The following ZCCHC12 variants were observed in gnomAD, a reference collection of about 807,000 sequenced individuals.
ZCCHC12 encodes zinc finger CCHC-type containing 12.
For missense variants in ZCCHC12, 317 were observed against 323.4 expected, an observed-to-expected ratio of 0.98 and a Z score of 0.15; for synonymous variants, 128 against 123.2, an observed-to-expected ratio of 1.04 and a Z score of -0.26.
Position 118,825,656 on chromosome X carries a change from C to A in ZCCHC12, c.412C>A (p.Leu138Ile). 1 of 1,211,540 alleles carries A rather than the reference C, an allele frequency of 8.3e-7. No individual in the cohort carries two copies. Among genetic ancestry groups the A allele is most frequent in the Non-Finnish European group, 1.1e-6 (1 of 895,514 alleles). Reference sequence around the variant, plus strand: ...TGCCCATGGTAAATTTTTTAACACCCTACAAGCTCAAGGGGAGAAAGCCTC... The same window carrying A: ...TGCCCATGGTAAATTTTTTAACACCATACAAGCTCAAGGGGAGAAAGCCTC... Reference protein sequence around the residue: ...VTAHGKFFNTLQAQGEKASLY... With the variant: ...VTAHGKFFNTIQAQGEKASLY... Residue 138 changes from leucine (L) to isoleucine (I), a missense_variant, in exon 4 of 4, where the codon CTA becomes ATA. By Grantham distance (5) the Leu-to-Ile change is conservative (BLOSUM62 2). Coordinates refer to ENST00000310164, the MANE Select transcript of ZCCHC12 (RefSeq NM_173798.4).
At position 118,825,234 on chromosome X, in the gene ZCCHC12, C is replaced by T. The variant is rs766371263; in HGVS notation, c.-11C>T. The T allele has an allele frequency of 1.7e-6, 2 of 1,210,286 alleles. No homozygotes were observed. Among genetic ancestry groups the T allele is most frequent in the East Asian group, 5.9e-5 (2 of 33,782 alleles). On this transcript the variant is annotated 5_prime_UTR_variant, in exon 4 of 4. Coordinates refer to ENST00000310164, the MANE Select transcript of ZCCHC12 (RefSeq NM_173798.4). Reference sequence around the variant, plus strand: ...ATCTTCTTATATTCAGATACCCTATCGTCGTCAGTCATGGCTAGCATCATT... The same window carrying T: ...ATCTTCTTATATTCAGATACCCTATTGTCGTCAGTCATGGCTAGCATCATT...
Position 118,826,663 on chromosome X carries a change from A to G in ZCCHC12, c.*210A>G, listed in dbSNP as rs755898594. 4.2e-6 allele frequency: 2 copies of G among 475,920 alleles called. No individual in the cohort carries two copies. Among genetic ancestry groups the G allele is most frequent in the Non-Finnish European group, 7.3e-6 (2 of 275,743 alleles). 39.2% of individuals were successfully genotyped at this position (475,920 alleles called of 1,213,427 possible). ...TCCTTGCTCCTTCTCCCTGCAGCCT[A>G]CGGGTCTGTTTTCTGTGTGTGCCCA... On this transcript the variant is annotated 3_prime_UTR_variant, in exon 4 of 4. Transcript: ENST00000310164.
In ZCCHC12 at chrX:118,826,012, C is replaced by G. The variant is rs1288518399; in HGVS notation, c.768C>G (p.Ile256Met). 4 of 1,211,515 alleles carry G rather than the reference C, an allele frequency of 3.3e-6. No individual in the cohort carries two copies. Among genetic ancestry groups the G allele is most frequent in the Admixed American group, 4.3e-5 (2 of 46,041 alleles). The change falls in exon 4 of 4, where the codon ATC becomes ATG. Residue 256 changes from isoleucine (I) to methionine (M), a missense_variant. By Grantham distance (10) the Ile-to-Met change is conservative. Transcript: ENST00000310164. Reference protein sequence around the residue: ...VAFQGSPPIVIGSADCNVIEI... With the variant: ...VAFQGSPPIVMGSADCNVIEI... ...TTCAGGGCTCCCCACCGATAGTGAT[C>G]GGCAGTGCTGACTGCAATGTGATAG... is the stretch of plus-strand genomic sequence containing the variant.
chrX:118,824,866 C>T (rs2018231774), intron 3 of ZCCHC12, among the ~76,000 whole-genome samples, 153 bp downstream of exon 3: 1 of 111,527 alleles, frequency 9.0e-6, no homozygotes, highest in South Asian at 3.8e-4. Flanking sequence ...CCAATATCAG[C>T]TCCAGACACT....
Position 118,825,168 on chromosome X carries a change from C to T in ZCCHC12, c.-77C>T. ...TAGGAAGGCAGAGCCACCTCCTCTC[C>T]TCTCCCACCTGCAGATTAAGCTTTT... On this transcript the variant is annotated 5_prime_UTR_variant, in exon 4 of 4. Coordinates refer to ENST00000310164, the MANE Select transcript of ZCCHC12 (RefSeq NM_173798.4). The T allele has an allele frequency of 8.4e-7, 1 of 1,190,712 alleles. No homozygotes were observed. The highest frequency in any genetic ancestry group is 1.1e-6 in the Non-Finnish European group (1 of 877,604).
chrX:118,825,319 G>A lies in ZCCHC12; in HGVS notation c.75G>A (p.Met25Ile). The A allele has an allele frequency of 8.3e-7, 1 of 1,211,793 alleles. No individual in the cohort carries two copies. The highest frequency in any genetic ancestry group is 1.1e-6 in the Non-Finnish European group (1 of 895,517). ...NAPLPPWAHS[M>I]LRSLGRSLGP... Reference sequence around the variant, plus strand: ...CCTTGCCGCCTTGGGCCCATTCCATGCTGAGGTCCCTGGGGAGAAGTCTCG... The same window carrying A: ...CCTTGCCGCCTTGGGCCCATTCCATACTGAGGTCCCTGGGGAGAAGTCTCG... The change falls in exon 4 of 4, where the codon ATG becomes ATA. Residue 25 changes from methionine (M) to isoleucine (I), a missense_variant. Coordinates refer to ENST00000310164, the MANE Select transcript of ZCCHC12 (RefSeq NM_173798.4).
chrX:118,826,055 G>A lies in ZCCHC12; in HGVS notation c.811G>A (p.Asp271Asn), dbSNP rs945208941. 9.1e-6 allele frequency: 11 copies of A among 1,208,932 alleles called. No homozygotes were observed. The highest frequency in any genetic ancestry group is 1.2e-5 in the Non-Finnish European group (11 of 894,780). ...TGTGATAGAGATAGATGATACCCTC[G>A]ACGACTCCGATGAGGATGTGATCCT... ...CNVIEIDDTL[D>N]DSDEDVILVE... is the part of the protein sequence containing the mutation. The change falls in exon 4 of 4, where the codon GAC (aspartate) becomes AAC (asparagine). Residue 271 changes from aspartate to asparagine, a missense_variant. Physicochemically the swap from Asp to Asn is conservative, Grantham distance 23 (BLOSUM62 1). Transcript: ENST00000310164.
chrX:118,825,290 G>T lies in ZCCHC12; in HGVS notation c.46G>T (p.Ala16Ser), dbSNP rs975316761. Residue 16 changes from alanine (A) to serine (S), a missense_variant, in exon 4 of 4, where the codon GCA becomes TCA. By Grantham distance (99) the Ala-to-Ser change is moderately conservative. Transcript: ENST00000310164. Reference sequence around the variant, plus strand: ...TGTCGGTAACAGCCGGCGGCTGAATGCACCCTTGCCGCCTTGGGCCCATTC... The same window carrying T: ...TGTCGGTAACAGCCGGCGGCTGAATTCACCCTTGCCGCCTTGGGCCCATTC... Reference protein sequence around the residue: ...ARVGNSRRLNAPLPPWAHSML... With the variant: ...ARVGNSRRLNSPLPPWAHSML... 20 of 1,210,065 alleles carry T rather than the reference G, an allele frequency of 1.7e-5. No homozygotes were observed. The highest frequency in any genetic ancestry group is 2.2e-5 in the Non-Finnish European group (20 of 895,189).
chrX:118,825,886 A>G lies in ZCCHC12; in HGVS notation c.642A>G (p.Arg214=), dbSNP rs1383866382. 8.3e-7 allele frequency: 1 copy of G among 1,211,600 alleles called. No individual in the cohort carries two copies. The highest frequency in any genetic ancestry group is 3.0e-5 in the East Asian group (1 of 33,835). The part of the protein sequence containing the change: ...ERLPNFLELI[R]MVREEEDWDD... ...TTCCCAACTTTCTGGAGTTAATCAG[A>G]ATGGTAAGGGAGGAAGAGGATTGGG... is the stretch of plus-strand genomic sequence containing the variant. Residue 214 remains arginine (R), a synonymous_variant, in exon 4 of 4, where the codon AGA becomes AGG. Coordinates refer to ENST00000310164, the MANE Select transcript of ZCCHC12 (RefSeq NM_173798.4).
chrX:118,823,974 G>C lies in ZCCHC12; in HGVS notation c.-323G>C, dbSNP rs927481383. On this transcript the variant is annotated 5_prime_UTR_variant, in exon 1 of 4. Coordinates refer to ENST00000310164, the MANE Select transcript of ZCCHC12 (RefSeq NM_173798.4). ...AGGCGGAATCCACAGCTGGCGACGCGGGAGCATCTGCTGTCCACCAGCGGA... is the reference window on the plus strand; with the variant it reads ...AGGCGGAATCCACAGCTGGCGACGCCGGAGCATCTGCTGTCCACCAGCGGA... 9.8e-5 allele frequency: 11 copies of C among 112,625 alleles called. No homozygotes were observed. The highest frequency in any genetic ancestry group is 3.5e-4 in the African/African-American group (11 of 31,007). The allele number at this position is 112,625 out of a possible 1,213,427, so 9.3% of individuals were successfully genotyped here. A position where few individuals can be genotyped will look rare whatever the true frequency, so the allele number is the denominator to read the frequency against.
chrX:118,825,938 C>A lies in ZCCHC12; in HGVS notation c.694C>A (p.Pro232Thr), dbSNP rs138052030. 1.2e-4 allele frequency: 145 copies of A among 1,209,671 alleles called. 1 individual carries two copies. In the South Asian group the frequency reaches 1.5e-3, roughly 13 times the overall value. The change falls in exon 4 of 4, where the codon CCA (proline) becomes ACA (threonine). Residue 232 changes from proline (P) to threonine (T), a missense_variant. Transcript: ENST00000310164. Reference sequence around the variant, plus strand: ...TGATGCTTTTATTAAACGGAAGCGTCCAAAAAGGTCTGAGTCAATGGTGGA... The same window carrying A: ...TGATGCTTTTATTAAACGGAAGCGTACAAAAAGGTCTGAGTCAATGGTGGA... Reference protein sequence around the residue: ...WDDAFIKRKRPKRSESMVERA... With the variant: ...WDDAFIKRKRTKRSESMVERA...
At position 118,826,188 on chromosome X, in the gene ZCCHC12, G is replaced by T. The variant is rs2018253878; in HGVS notation, c.944G>T (p.Arg315Met). ...VLVIDSPHNS[R>M]AQFPSTSGGS... ...GTCATTGATTCCCCCCACAATTCCA[G>T]GGCTCAGTTTCCTTCCACCAGTGGT... Residue 315 changes from arginine to methionine, a missense_variant, in exon 4 of 4, where the codon AGG becomes ATG. Arg to Met is a moderately conservative substitution (Grantham distance 91). Coordinates refer to ENST00000310164, the MANE Select transcript of ZCCHC12 (RefSeq NM_173798.4). 2.5e-6 allele frequency: 3 copies of T among 1,211,893 alleles called. No individual in the cohort carries two copies. The highest frequency in any genetic ancestry group is 3.5e-5 in the African/African-American group (2 of 57,812).
In ZCCHC12 at chrX:118,825,234, C is replaced by A; in HGVS notation, c.-11C>A. The A allele has an allele frequency of 1.7e-6, 2 of 1,211,948 alleles. No individual in the cohort carries two copies. Among genetic ancestry groups the A allele is most frequent in the Non-Finnish European group, 2.2e-6 (2 of 895,519 alleles). On this transcript the variant is annotated 5_prime_UTR_variant, in exon 4 of 4. Transcript: ENST00000310164. ...ATCTTCTTATATTCAGATACCCTAT[C>A]GTCGTCAGTCATGGCTAGCATCATT...
In ZCCHC12 at chrX:118,826,366, C is replaced by T. The variant is rs752139529; in HGVS notation, c.1122C>T (p.Ile374=). The change falls in exon 4 of 4, where the codon ATC becomes ATT. Residue 374 remains isoleucine, a synonymous_variant. Coordinates refer to ENST00000310164, the MANE Select transcript of ZCCHC12 (RefSeq NM_173798.4). ...SDKAQVFENL[I]ITLQELTHTE... ...AGGCCCAGGTTTTTGAGAATTTGAT[C>T]ATCACTCTCCAGGAGCTGACCCATA... 58 of 1,209,595 alleles carry T rather than the reference C, an allele frequency of 4.8e-5. No homozygotes were observed. The highest frequency in any genetic ancestry group is 5.9e-5 in the Non-Finnish European group (53 of 895,147).
Position 118,826,308 on chromosome X carries a change from A to G in ZCCHC12, c.1064A>G (p.His355Arg). The G allele has an allele frequency of 1.7e-6, 2 of 1,211,800 alleles. No individual in the cohort carries two copies. The highest frequency in any genetic ancestry group is 2.2e-6 in the Non-Finnish European group (2 of 895,534). Residue 355 changes from histidine (H) to arginine (R), a missense_variant, in exon 4 of 4, where the codon CAC (histidine) becomes CGC (arginine). Coordinates refer to ENST00000310164, the MANE Select transcript of ZCCHC12 (RefSeq NM_173798.4). ...IRCSYCGEEGHSKETCDNESD... is the reference protein window; with the variant it reads ...IRCSYCGEEGRSKETCDNESD... ...TGTTCGTATTGTGGTGAGGAAGGCC[A>G]CTCAAAAGAAACCTGTGACAACGAG... is the stretch of plus-strand genomic sequence containing the variant.
chrX:118,825,423 C>G lies in ZCCHC12; in HGVS notation c.179C>G (p.Thr60Ser). The G allele has an allele frequency of 8.3e-7, 1 of 1,210,783 alleles. No homozygotes were observed. Among genetic ancestry groups the G allele is most frequent in the South Asian group, 1.8e-5 (1 of 56,943 alleles). Residue 60 changes from threonine (T) to serine (S), a missense_variant, in exon 4 of 4, where the codon ACC becomes AGC. Coordinates refer to ENST00000310164, the MANE Select transcript of ZCCHC12 (RefSeq NM_173798.4). ...GRVVPAQGEE[T>S]FENWLTQVNG... ...GTGGTGCCAGCCCAAGGGGAAGAAACCTTTGAAAACTGGCTGACCCAAGTC... is the reference window on the plus strand; with the variant it reads ...GTGGTGCCAGCCCAAGGGGAAGAAAGCTTTGAAAACTGGCTGACCCAAGTC...
chrX:118,825,820 T>A lies in ZCCHC12; in HGVS notation c.576T>A (p.Leu192=). The part of the protein sequence containing the change: ...GELSRDLRLR[L]KDFLRMYANE... Reference sequence around the variant, plus strand: ...TGAGTAGGGACCTCCGACTCAGACTTAAGGATTTTCTCAGGATGTATGCAA... The same window carrying A: ...TGAGTAGGGACCTCCGACTCAGACTAAAGGATTTTCTCAGGATGTATGCAA... The change falls in exon 4 of 4, where the codon CTT becomes CTA. Residue 192 remains leucine (L), a synonymous_variant. Transcript: ENST00000310164. 8.3e-7 allele frequency: 1 copy of A among 1,211,383 alleles called. No homozygotes were observed. The highest frequency in any genetic ancestry group is 2.3e-4 in the Middle Eastern group (1 of 4,353).
rs1174953700 is a variant in ZCCHC12 at position 118,826,032 on chromosome X, TGATAGA to T, written c.795_800del (p.Glu265_Ile266del). 1 of 1,210,846 alleles carries T rather than the reference TGATAGA, an allele frequency of 8.3e-7. No homozygotes were observed. Among genetic ancestry groups the T allele is most frequent in the Admixed American group, 2.2e-5 (1 of 45,988 alleles). ...GTGATCGGCAGTGCTGACTGCAATGTGATAGAGATAGATGATACCCTCGACGACTCC... is the reference window on the plus strand; with the variant it reads ...GTGATCGGCAGTGCTGACTGCAATGTGATAGATGATACCCTCGACGACTCC... On this transcript the variant is annotated inframe_deletion, in exon 4 of 4. Coordinates refer to ENST00000310164, the MANE Select transcript of ZCCHC12 (RefSeq NM_173798.4).
Position 118,826,222 on chromosome X carries a change from C to T in ZCCHC12, c.978C>T (p.Gly326=). The change falls in exon 4 of 4, where the codon GGC becomes GGT. Residue 326 remains glycine, a synonymous_variant. Coordinates refer to ENST00000310164, the MANE Select transcript of ZCCHC12 (RefSeq NM_173798.4). The part of the protein sequence containing the change: ...AQFPSTSGGS[G]YKNNGPGEMR... The stretch of plus-strand genomic sequence containing the variant: ...TTCCTTCCACCAGTGGTGGTTCTGG[C>T]TATAAGAATAACGGTCCTGGGGAGA... The T allele has an allele frequency of 8.3e-7, 1 of 1,211,637 alleles. No individual in the cohort carries two copies. Among genetic ancestry groups the T allele is most frequent in the Non-Finnish European group, 1.1e-6 (1 of 895,510 alleles).
Sources: gnomAD v4.1 joint callset for allele counts (sites outside exome capture counted in the v4.1 genomes callset) on GRCh38, gnomAD v4.1.1 for gene constraint, MANE v1.5 for transcripts, NCBI Gene and HGNC (gene_info 2026-07-23, HGNC 2026-07-21) for gene names.